Variants in TP63 observed in about 807,000 individuals in gnomAD.
TP63 encodes the protein tumor protein p63.
TP63 carries 17 observed loss-of-function variants against 82.8 expected under a neutral mutation model. That is an observed-to-expected ratio of 0.21 (90% confidence interval 0.14 to 0.31). The LOEUF (loss-of-function observed/expected upper bound fraction) is 0.31, where lower values mean the gene tolerates loss of function less well. Among genes scored for constraint, TP63 ranks in the 10% least tolerant of loss-of-function variants. The pLI, the probability that TP63 is intolerant of heterozygous loss-of-function variation, is 1.00. For missense variants in TP63, 648 were observed against 895.3 expected, an observed-to-expected ratio of 0.72 and a Z score of 3.52; for synonymous variants, 330 against 321.7, an observed-to-expected ratio of 1.03 and a Z score of -0.28.
intron 1 of TP63, among the ~76,000 whole-genome samples, chr3:189,666,607 G>T (rs1714411289): frequency 6.6e-6 from 1 of 152,068 alleles, no homozygotes; most frequent in African/African-American, 2.4e-5. Flanking sequence ...ATTAAGAAAT[G>T]ATTTAGAATA....
chr3:189,834,794 C>A (rs1454927880), intron 4 of TP63, among the ~76,000 whole-genome samples: 1 of 151,888 alleles, frequency 6.6e-6, no homozygotes, highest in African/African-American at 2.4e-5. Context: ...CTAAATCTTT[C>A]CTTAGGATGG....
At chr3:189,762,670 A>C (rs1722665172) in intron 3 of TP63, among the ~76,000 whole-genome samples, 1 of 152,226 alleles carries the variant, frequency 6.6e-6, no homozygotes, top group Admixed American at 6.5e-5. Flanking sequence ...ATTCTCATGA[A>C]AATCTCTTCC....
At chr3:189,881,624 G>A (rs1465335930) in intron 10 of TP63, 1 of 703,188 alleles carries the variant, frequency 1.4e-6, no homozygotes, top group African/African-American at 1.9e-5. Context: ...TCATCACTTT[G>A]TTCCTACGTA....
At chr3:189,688,037 C>T (rs1716588676) in intron 1 of TP63, among the ~76,000 whole-genome samples, 1 of 150,798 alleles carries the variant, frequency 6.6e-6, no homozygotes, top group Admixed American at 6.6e-5. Context: ...TCATCTATTA[C>T]AGCTTTGTAA....
At chr3:189,866,405 C>T (rs1250182166) in intron 5 of TP63, among the ~76,000 whole-genome samples, 1 of 152,092 alleles carries the variant, frequency 6.6e-6, no homozygotes, top group African/African-American at 2.4e-5. Context: ...TTATAGAGTT[C>T]CATAAAGCTT....
rs560751698 is a variant in TP63 at position 189,705,392 on chromosome 3, T to C, written c.63-32348T>C. Reference sequence around the variant, plus strand: ...TAAGTAATGAGTAACTTTGAGTTTTTTCTTCATTTCAACGCTTTTCATTCT... The same window carrying C: ...TAAGTAATGAGTAACTTTGAGTTTTCTCTTCATTTCAACGCTTTTCATTCT... On this transcript the variant is annotated intron_variant, in intron 1 of 13. Transcript: ENST00000264731. 3.3e-5 allele frequency among the ~76,000 whole-genome samples: 5 copies of C among 152,350 alleles called. No homozygotes were observed. In the South Asian group the frequency reaches 1.0e-3, roughly 32 times the overall value.
At chr3:189,845,761 T>A (rs1308771782) in intron 4 of TP63, among the ~76,000 whole-genome samples, 2 of 148,888 alleles carry the variant, frequency 1.3e-5, no homozygotes, top group Non-Finnish European at 3.0e-5. Flanking sequence ...AGAAGAGAGG[T>A]AGGTTATAGA....
chr3:189,626,388 T>C, the TP63 span, among the ~76,000 whole-genome samples: 1 of 152,206 alleles, frequency 6.6e-6, no homozygotes, highest in Non-Finnish European at 1.5e-5. Context: ...TTGAAGGTTC[T>C]TTCCTGCTCT....
intron 4 of TP63, among the ~76,000 whole-genome samples, chr3:189,846,146 A>C (rs1714838411): frequency 6.6e-6 from 1 of 152,046 alleles, no homozygotes; most frequent in South Asian, 2.1e-4. Context: ...TCTCTTTGCA[A>C]CATATTATTA....
intron 1 of TP63, among the ~76,000 whole-genome samples, chr3:189,700,565 A>T (rs1717728217): frequency 6.6e-6 from 1 of 152,212 alleles, no homozygotes; most frequent in South Asian, 2.1e-4. Context: ...AGGTAGGTAG[A>T]TGGGTATCAT....
intron 3 of TP63, among the ~76,000 whole-genome samples, chr3:189,739,140 G>A (rs1720801123): frequency 6.6e-6 from 1 of 152,116 alleles, no homozygotes; most frequent in Non-Finnish European, 1.5e-5. Context: ...TTATTTGACA[G>A]AATCTTACTC....
intron 1 of TP63, among the ~76,000 whole-genome samples, chr3:189,651,919 G>A (rs1476149999): frequency 6.8e-6 from 1 of 147,154 alleles, no homozygotes; most frequent in Non-Finnish European, 1.5e-5. Flanking sequence ...CATGTTGTTG[G>A]TCCTGTTGGT....
chr3:189,645,342 A>G, intron 1 of TP63: 1 of 526,134 alleles, frequency 1.9e-6, no homozygotes, highest in Non-Finnish European at 3.6e-6. Flanking sequence ...TCTTTCTTGA[A>G]GTCTAGTAAG....
At chr3:189,707,328 CCA>C (rs960053871) in intron 1 of TP63, among the ~76,000 whole-genome samples, 1 of 151,972 alleles carries the variant, frequency 6.6e-6, no homozygotes, top group Non-Finnish European at 1.5e-5. Context: ...TCTGAATTTG[CCA>C]CAGAGTAATC....
intron 1 of TP63, among the ~76,000 whole-genome samples, chr3:189,728,694 A>C (rs1719944448): frequency 6.6e-6 from 1 of 152,236 alleles, no homozygotes; most frequent in African/African-American, 2.4e-5. Context: ...GGAAACTTAC[A>C]AAATGGCAGA....
At chr3:189,623,555 T>G in the TP63 span, among the ~76,000 whole-genome samples, 1 of 152,196 alleles carries the variant, frequency 6.6e-6, no homozygotes, top group African/African-American at 2.4e-5. Flanking sequence ...TACTGGGATC[T>G]ATTTGAGCAT....
intron 4 of TP63, among the ~76,000 whole-genome samples, chr3:189,850,892 A>ATT (rs1357125249): frequency 4.6e-5 from 7 of 152,192 alleles, no homozygotes; most frequent in African/African-American, 1.7e-4. Flanking sequence ...ATAAATATGA[A>ATT]TTGTGTGATT....
At chr3:189,599,287 C>T in the TP63 span, among the ~76,000 whole-genome samples, 1 of 152,280 alleles carries the variant, frequency 6.6e-6, no homozygotes, top group African/African-American at 2.4e-5. Flanking sequence ...AGCCACTTTG[C>T]TTTCTCAACC....
chr3:189,654,194 A>G (rs773924434), intron 1 of TP63, among the ~76,000 whole-genome samples: 1 of 152,166 alleles, frequency 6.6e-6, no homozygotes, highest in African/African-American at 2.4e-5. Flanking sequence ...ATCCCACTAA[A>G]CATTTGAAAC....
Sources: allele counts gnomAD v4.1 joint callset (sites outside exome capture counted in the v4.1 genomes callset), GRCh38; gene constraint gnomAD v4.1.1; transcripts MANE v1.5; gene names NCBI Gene and HGNC (gene_info 2026-07-23, HGNC 2026-07-21).